PPL: variants seen among roughly 807,000 people sequenced by gnomAD.
PPL encodes the protein 190 kDa paraneoplastic pemphigus antigen.
A neutral mutation model predicts 194.4 loss-of-function variants in PPL; 198 were observed. The observed-to-expected ratio is 1.02, with a 90% CI of 0.91 to 1.15. The LOEUF (loss-of-function observed/expected upper bound fraction) is 1.15. Among genes scored for constraint, PPL ranks in the 50% most tolerant of loss-of-function variants. PPL has a pLI of 0.00. For missense variants in PPL, 2,885 were observed against 2,294.8 expected (o/e 1.26, Z -5.25); for synonymous variants, 1,220 against 972.4 (o/e 1.25, Z -4.74).
At chr16:4,895,867 C>A in intron 9 of PPL, 151 bp from the exon 10 acceptor site, 2 of 1,149,992 alleles carry the variant, frequency 1.7e-6, no homozygotes, top group Non-Finnish European at 2.4e-6. Context: ...TGAGGCTCCT[C>A]TGCGTGGAGA....
chr16:4,883,912 C>G lies in PPL; in HGVS notation c.4743G>C (p.Arg1581Ser), dbSNP rs748235766. The G allele has an allele frequency of 1.1e-5, 18 of 1,613,986 alleles. No homozygotes were observed. Among genetic ancestry groups the G allele is most frequent in the Admixed American group, 8.3e-5 (5 of 60,016 alleles). The change falls in exon 22 of 22, where the codon AGG becomes AGC. Residue 1581 changes from arginine (R) to serine (S), a missense_variant. Coordinates refer to ENST00000345988, the MANE Select transcript of PPL (RefSeq NM_002705.5). This position sits in a 1 kb window ranked among gnomAD's most constrained non-coding sequence, Gnocchi z 4.8. Reference sequence around the variant, plus strand: ...CTGCCATGTTGATTTCCGATTGGAGCCTTCGGGTCTCCAGCTGCAGGTTTT... The same window carrying G: ...CTGCCATGTTGATTTCCGATTGGAGGCTTCGGGTCTCCAGCTGCAGGTTTT... The part of the protein sequence containing the change: ...ERQNLQLETR[R>S]LQSEINMAAT...
Position 4,884,097 on chromosome 16 carries a change from T to C in PPL, c.4558A>G (p.Lys1520Glu), listed in dbSNP as rs1200758487. The C allele has an allele frequency of 1.2e-6, 2 of 1,613,214 alleles. No homozygotes were observed. Among genetic ancestry groups the C allele is most frequent in the African/African-American group, 1.3e-5 (1 of 74,874 alleles). Residue 1520 changes from lysine to glutamate, a missense_variant, in exon 22 of 22, where the codon AAG (lysine) becomes GAG (glutamate). Transcript: ENST00000345988. The surrounding 1 kb of genome is among the most constrained non-coding windows in gnomAD (Gnocchi z 5.7). ...GDTEQEIQRL[K>E]SSLEEESRSK... The stretch of plus-strand genomic sequence containing the variant: ...CGGCTCTCCTCCTCCAGGCTGCTCT[T>C]GAGCCTCTGGATCTCTTGCTCGGTG...
intron 1 of PPL, among the ~76,000 whole-genome samples, chr16:4,921,558 C>T (rs2089050992): frequency 6.6e-6 from 1 of 152,202 alleles, no homozygotes; most frequent in Non-Finnish European, 1.5e-5. Flanking sequence ...CCTCTGCCTC[C>T]TGGGTTCAAG....
At chr16:4,894,174 G>C (rs2088374103) in intron 12 of PPL, among the ~76,000 whole-genome samples, 3 of 152,180 alleles carry the variant, frequency 2.0e-5, no homozygotes, top group Admixed American at 1.3e-4. Flanking sequence ...CAAGGGGCTG[G>C]GGTCTGCAAG....
intron 17 of PPL, 79 bp from the exon 18 acceptor site, chr16:4,890,413 GAAAC>G: frequency 6.9e-7 from 1 of 1,449,626 alleles, no homozygotes; most frequent in Non-Finnish European, 9.1e-7. Context: ...TTTAAAGTGG[GAAAC>G]AACCAAATGT....
At chr16:4,916,795 GCA>G (rs2088925651) in intron 1 of PPL, among the ~76,000 whole-genome samples, 1 of 151,892 alleles carries the variant, frequency 6.6e-6, no homozygotes, top group Non-Finnish European at 1.5e-5. Flanking sequence ...GTGAGCCACT[GCA>G]CCCAGCCCAC....
At chr16:4,887,356 C>T in intron 20 of PPL, 129 bp from the exon 21 acceptor site, 2 of 701,326 alleles carry the variant, frequency 2.9e-6, no homozygotes, top group East Asian at 2.6e-5. Flanking sequence ...AGCTCTTGCC[C>T]ACTCCTGCCT....
intron 1 of PPL, among the ~76,000 whole-genome samples, chr16:4,932,474 A>G (rs1384566454): frequency 6.8e-6 from 1 of 146,774 alleles, no homozygotes; most frequent in African/African-American, 2.5e-5. Context: ...CAGTGGTGTG[A>G]TCTCGGCTCA....
At chr16:4,912,804 C>A (rs12149550) in intron 1 of PPL, among the ~76,000 whole-genome samples, 75,713 of 152,060 alleles carry the variant, frequency 0.5, 20,126 homozygotes, top group Non-Finnish European at 0.59. Flanking sequence ...CTTCTCAGAG[C>A]GCCTGAAAGA....
At position 4,900,299 on chromosome 16, in the gene PPL, G is replaced by A. The variant is rs145266760; in HGVS notation, c.606+531C>T. Among the ~76,000 whole-genome samples the A allele has an allele frequency of 9.9e-4, 151 of 152,164 alleles. No individual in the cohort carries two copies. The East Asian group carries it at 0.026, about 26-fold the overall frequency. On this transcript the variant is annotated intron_variant, in intron 6 of 21. Coordinates refer to ENST00000345988, the MANE Select transcript of PPL (RefSeq NM_002705.5). Reference sequence around the variant, plus strand: ...CAGCAGATAATAAAGAAATGAGCAGGACAGGCTGTACCCCTGGGGCCTGTT... The same window carrying A: ...CAGCAGATAATAAAGAAATGAGCAGAACAGGCTGTACCCCTGGGGCCTGTT...
chr16:4,888,208 A>G lies in PPL; in HGVS notation c.2408T>C (p.Leu803Ser). 1 of 1,605,164 alleles carries G rather than the reference A, an allele frequency of 6.2e-7. No homozygotes were observed. The change falls in exon 20 of 22, where the codon TTA becomes TCA. Residue 803 changes from leucine (L) to serine (S), a missense_variant. By Grantham distance (145) the Leu-to-Ser change is moderately radical. Transcript: ENST00000345988. ...AAGAGACCTTAGTTTTTCTGCTTCT[A>G]ACTCATAGTCCTGCATGAGGGAGAG... Reference protein sequence around the residue: ...QYQQAVKDYELEAEKLRSLLD... With the variant: ...QYQQAVKDYESEAEKLRSLLD...
intron 1 of PPL, among the ~76,000 whole-genome samples, chr16:4,912,303 A>G (rs1442501936): frequency 6.6e-6 from 1 of 152,254 alleles, no homozygotes; most frequent in Non-Finnish European, 1.5e-5. Context: ...AGAATCACAC[A>G]ACACGTGGCC....
intron 20 of PPL, among the ~76,000 whole-genome samples, chr16:4,887,759 C>T (rs551851601): frequency 9.9e-5 from 15 of 152,118 alleles, no homozygotes; most frequent in South Asian, 8.3e-4. Flanking sequence ...TGCACCACCA[C>T]GCCTGGCTAA....
At chr16:4,912,875 G>A (rs1290336484) in intron 1 of PPL, among the ~76,000 whole-genome samples, 5 of 152,240 alleles carry the variant, frequency 3.3e-5, no homozygotes, top group African/African-American at 7.2e-5. Flanking sequence ...AGGCCAAGGC[G>A]GGCGAATCAC....
chr16:4,923,928 T>A (rs58199225), intron 1 of PPL, among the ~76,000 whole-genome samples: 1 of 152,176 alleles, frequency 6.6e-6, no homozygotes, highest in African/African-American at 2.4e-5. Context: ...GTAGCGCCCA[T>A]CAGACTGAAT....
chr16:4,903,701 C>G (rs532041332), intron 3 of PPL, among the ~76,000 whole-genome samples, 185 bp downstream of exon 3: 1 of 149,366 alleles, frequency 6.7e-6, no homozygotes, highest in Non-Finnish European at 1.5e-5. Flanking sequence ...GCCTGGGCAA[C>G]AAGAGCAAAA....
rs1366828957 is a variant in PPL at position 4,890,622 on chromosome 16, A to G, written c.2162+106T>C. On this transcript the variant is annotated intron_variant, in intron 17 of 21. Coordinates refer to ENST00000345988, the MANE Select transcript of PPL (RefSeq NM_002705.5). ...GTCAGAGAATCTGACGAACTCACCA[A>G]AAAGAAAAACAGCAAAATCTGTGGG... The G allele has an allele frequency of 4.3e-6, 6 of 1,382,402 alleles. No homozygotes were observed. The East Asian group carries it at 1.3e-4, about 29-fold the overall frequency. The allele number at this position is 1,382,402 out of a possible 1,614,324, so 85.6% of individuals were successfully genotyped here. A position where few individuals can be genotyped will look rare whatever the true frequency, so the allele number is the denominator to read the frequency against.
chr16:4,936,179 C>T (rs1223304693), intron 1 of PPL, among the ~76,000 whole-genome samples: 1 of 152,230 alleles, frequency 6.6e-6, no homozygotes, highest in Non-Finnish European at 1.5e-5. Context: ...CCCTGGGAAC[C>T]CGCGGCTCAG....
intron 9 of PPL, among the ~76,000 whole-genome samples, chr16:4,896,674 C>G (rs1417792753): frequency 1.4e-5 from 2 of 145,574 alleles, no homozygotes; most frequent in Non-Finnish European, 1.5e-5. Context: ...GAGACTCACT[C>G]TGTCGCCCAG....
Sources: gnomAD v4.1 joint callset for allele counts (sites outside exome capture counted in the v4.1 genomes callset) on GRCh38, gnomAD v4.1.1 for gene constraint, Gnocchi (gnomAD v3.1) non-coding constraint, MANE v1.5 for transcripts, NCBI Gene and HGNC (gene_info 2026-07-23, HGNC 2026-07-21) for gene names.